The following LANCL3 variants were observed in gnomAD, a reference collection of about 807,000 sequenced individuals.
LANCL3 encodes lanC-like protein 3.
Under a neutral mutation model 26.5 loss-of-function variants are expected in LANCL3, and 19 were observed. The observed-to-expected ratio is 0.72, with a 90% CI of 0.50 to 1.05. The LOEUF (loss-of-function observed/expected upper bound fraction) is 1.05, where lower values mean the gene tolerates loss of function less well. Ranked by LOEUF, LANCL3 falls within the 50% of genes least tolerant of loss-of-function variation. The pLI is 0.00. For synonymous variants in LANCL3, 160 were observed against 166.6 expected, an observed-to-expected ratio of 0.96 and a Z score of 0.30; for missense variants, 318 against 362.7, an observed-to-expected ratio of 0.88 and a Z score of 1.00.
At position 37,572,445 on chromosome X, in the gene LANCL3, T is replaced by C; in HGVS notation, c.573+2T>C. The C allele has an allele frequency of 8.6e-7, 1 of 1,169,033 alleles. No individual in the cohort carries two copies. Reference sequence around the variant, plus strand: ...CTCAAGCAGAAACTCGCCCAGGAGGTAAGAGGTAGCCCGGGCCGCGGGAGG... The same window carrying C: ...CTCAAGCAGAAACTCGCCCAGGAGGCAAGAGGTAGCCCGGGCCGCGGGAGG... On this transcript the variant is annotated splice_donor_variant, in intron 1 of 4. Coordinates refer to ENST00000378619, the MANE Select transcript of LANCL3 (RefSeq NM_001170331.2). LOFTEE classifies it high-confidence loss of function.
chrX:37,608,330 G>A (rs1363883241), intron 1 of LANCL3, among the ~76,000 whole-genome samples: 1 of 111,837 alleles, frequency 8.9e-6, no homozygotes, highest in Non-Finnish European at 1.9e-5. Flanking sequence ...CTAATACACA[G>A]ATTGCTGGGC....
At chrX:37,574,361 C>G (rs1167066809) in intron 1 of LANCL3, among the ~76,000 whole-genome samples, 5 of 111,663 alleles carry the variant, frequency 4.5e-5, no homozygotes, top group African/African-American at 1.6e-4. Context: ...TAAATAATCT[C>G]TCAGTATGTC....
chrX:37,612,929 T>A (rs1047526104), intron 1 of LANCL3, among the ~76,000 whole-genome samples: 3 of 111,848 alleles, frequency 2.7e-5, no homozygotes, highest in Non-Finnish European at 5.6e-5. Flanking sequence ...GCCTGCTATC[T>A]TATAGCTACT....
intron 1 of LANCL3, among the ~76,000 whole-genome samples, chrX:37,646,655 T>A (rs1218577818): frequency 8.9e-6 from 1 of 112,099 alleles, no homozygotes; most frequent in Non-Finnish European, 1.9e-5. Flanking sequence ...AAACTCAGGA[T>A]CATCTTCTGC....
At position 37,677,718 on chromosome X, in the gene LANCL3, C is replaced by T. The variant is rs1556437861; in HGVS notation, c.*1905C>T. ...TTTATGGAACACATGCAGTTTTTAT[C>T]GTCCAAGAACCCCTCAAGATGTGTT... On this transcript the variant is annotated 3_prime_UTR_variant, in exon 5 of 5. Transcript: ENST00000378619. 8.9e-6 allele frequency: 1 copy of T among 111,748 alleles called. No homozygotes were observed. Among genetic ancestry groups the T allele is most frequent in the Non-Finnish European group, 1.9e-5 (1 of 53,057 alleles). 9.2% of individuals were successfully genotyped at this position (111,748 alleles called of 1,213,427 possible). A position where few individuals can be genotyped will look rare whatever the true frequency, so the allele number is the denominator to read the frequency against.
chrX:37,611,463 C>T (rs1556421151), intron 1 of LANCL3, among the ~76,000 whole-genome samples: 1 of 111,362 alleles, frequency 9.0e-6, no homozygotes, highest in Non-Finnish European at 1.9e-5. Flanking sequence ...GCATAGTCAT[C>T]CTGTCATTTT....
intron 1 of LANCL3, among the ~76,000 whole-genome samples, chrX:37,647,745 C>A (rs781985936): frequency 8.0e-5 from 9 of 112,322 alleles, no homozygotes; most frequent in Non-Finnish European, 1.7e-4. Context: ...GTTTCAGATT[C>A]TGTAAGGATT....
intron 1 of LANCL3, among the ~76,000 whole-genome samples, chrX:37,655,473 G>A (rs1344880092): frequency 3.6e-5 from 4 of 112,079 alleles, no homozygotes; most frequent in South Asian, 3.8e-4. Flanking sequence ...GTTTTCCACC[G>A]AAATGGCAAG....
rs1350753942 is a variant in LANCL3 at position 37,682,470 on chromosome X, A to G, written c.*6657A>G. The G allele has an allele frequency of 8.9e-5, 10 of 112,274 alleles. No homozygotes were observed. The highest frequency in any genetic ancestry group is 1.7e-4 in the Non-Finnish European group (9 of 53,282). The allele number at this position is 112,274 out of a possible 1,213,427, so 9.3% of individuals were successfully genotyped here. On this transcript the variant is annotated 3_prime_UTR_variant, in exon 5 of 5. Coordinates refer to ENST00000378619, the MANE Select transcript of LANCL3 (RefSeq NM_001170331.2). ...ATAGCAGTCAGTTTTAAAGATACAG[A>G]CTATAATTGACTACTGTCAATCTTT...
rs782261210 is a variant in LANCL3 at position 37,572,244 on chromosome X, C to G, written c.374C>G (p.Ala125Gly). The change falls in exon 1 of 5, where the codon GCG becomes GGG. Residue 125 changes from alanine to glycine, a missense_variant. Physicochemically the swap from Ala to Gly is moderately conservative, Grantham distance 60. Transcript: ENST00000378619. Reference sequence around the variant, plus strand: ...CGCGCCGCCTTCCTGCTCGGGGGCGCGGGCGTGTACGCCGTGGCCACGCTC... The same window carrying G: ...CGCGCCGCCTTCCTGCTCGGGGGCGGGGGCGTGTACGCCGTGGCCACGCTC... Reference protein sequence around the residue: ...DTRAAFLLGGAGVYAVATLVY... With the variant: ...DTRAAFLLGGGGVYAVATLVY... The G allele has an allele frequency of 1.1e-5, 13 of 1,143,857 alleles. No individual in the cohort carries two copies. The East Asian group carries it at 3.6e-4, about 31-fold the overall frequency. The allele number at this position is 1,143,857 out of a possible 1,213,427, so 94.3% of individuals were successfully genotyped here.
chrX:37,575,868 G>A (rs1374986934), intron 1 of LANCL3, among the ~76,000 whole-genome samples: 3 of 112,404 alleles, frequency 2.7e-5, no homozygotes, highest in Non-Finnish European at 5.6e-5. Flanking sequence ...AGTTTAGAAT[G>A]CTGATTACTA....
At chrX:37,636,022 A>G (rs1925697221) in intron 1 of LANCL3, among the ~76,000 whole-genome samples, 2 of 99,089 alleles carry the variant, frequency 2.0e-5, no homozygotes, top group Non-Finnish European at 4.0e-5. Flanking sequence ...ATGTGTACTC[A>G]GTGTTTAGCT....
intron 1 of LANCL3, among the ~76,000 whole-genome samples, chrX:37,595,142 G>C (rs1924390791): frequency 1.8e-5 from 2 of 111,396 alleles, no homozygotes; most frequent in Admixed American, 1.9e-4. Context: ...GTTTCCTAGG[G>C]AGCCTTCAGC....
Position 37,667,958 on chromosome X carries a change from A to G in LANCL3, c.1103+469A>G, listed in dbSNP as rs369275359. ...GGAGCAAATAGAGTGAGAGCTCACT[A>G]ATTACCAGAGGATGGCATCAATCTG... On this transcript the variant is annotated intron_variant, in intron 4 of 4. Coordinates refer to ENST00000378619, the MANE Select transcript of LANCL3 (RefSeq NM_001170331.2). Among the ~76,000 whole-genome samples, 31 of 110,670 alleles carry G rather than the reference A, an allele frequency of 2.8e-4. 1 individual carries two copies. In the South Asian group the frequency reaches 0.012, roughly 41 times the overall value.
intron 1 of LANCL3, among the ~76,000 whole-genome samples, chrX:37,653,062 G>A (rs782820056): frequency 1.8e-5 from 2 of 111,360 alleles, no homozygotes; most frequent in South Asian, 7.6e-4. Flanking sequence ...CTATCCAGCC[G>A]AACAAGCGCC....
chrX:37,626,166 G>A (rs932599797), intron 1 of LANCL3, among the ~76,000 whole-genome samples: 2 of 112,137 alleles, frequency 1.8e-5, no homozygotes, highest in African/African-American at 3.2e-5. Context: ...CGCTTCCTAG[G>A]TGTGTAGACA....
In LANCL3 at chrX:37,659,448, G is replaced by A; in HGVS notation, c.698-14G>A. 1 of 1,190,938 alleles carries A rather than the reference G, an allele frequency of 8.4e-7. No individual in the cohort carries two copies. Among genetic ancestry groups the A allele is most frequent in the Non-Finnish European group, 1.1e-6 (1 of 878,884 alleles). On this transcript the variant is annotated splice_polypyrimidine_tract_variant and intron_variant, in intron 2 of 4. Coordinates refer to ENST00000378619, the MANE Select transcript of LANCL3 (RefSeq NM_001170331.2). The stretch of plus-strand genomic sequence containing the variant: ...CCCAATTGTGTGAATTTTATGCCTT[G>A]TTTGTTAATACAGGGGCAGCTCACG...
At chrX:37,672,648 T>C (rs1350480079) in intron 4 of LANCL3, among the ~76,000 whole-genome samples, 2 of 111,888 alleles carry the variant, frequency 1.8e-5, no homozygotes, top group Non-Finnish European at 3.8e-5. Flanking sequence ...TTAGTTACTT[T>C]CCAAGCTCAA....
chrX:37,605,445 C>A (rs1464709881), intron 1 of LANCL3, among the ~76,000 whole-genome samples: 1 of 111,698 alleles, frequency 9.0e-6, no homozygotes, highest in East Asian at 2.8e-4. Flanking sequence ...TGGTGCACAT[C>A]TTCGGTATAT....
Sources: gnomAD v4.1 joint callset for allele counts (sites outside exome capture counted in the v4.1 genomes callset) on GRCh38, gnomAD v4.1.1 for gene constraint, MANE v1.5 for transcripts, NCBI Gene and HGNC (gene_info 2026-07-23, HGNC 2026-07-21) for gene names.